SAMD12: variants seen among roughly 807,000 people sequenced by gnomAD.
SAMD12 encodes the protein sterile alpha motif domain containing 12, also known as sterile alpha motif domain-containing protein 12.
A neutral mutation model predicts 15.0 loss-of-function variants in SAMD12; 9 were observed. The ratio of observed to expected loss-of-function variants is 0.60; its 90% CI spans 0.36 to 1.05. SAMD12 has a LOEUF of 1.05. Among genes scored for constraint, SAMD12 ranks in the 50% least tolerant of loss-of-function variants. SAMD12 has a pLI of 0.01. For synonymous variants in SAMD12, 86 were observed against 90.1 expected (o/e 0.96, Z 0.25); for missense variants, 230 against 234.2 (o/e 0.98, Z 0.12).
At chr8:118,387,293 A>G (rs1423266201) in intron 3 of SAMD12, among the ~76,000 whole-genome samples, 1 of 152,218 alleles carries the variant, frequency 6.6e-6, no homozygotes, top group African/African-American at 2.4e-5. Context: ...TAGTTTACTC[A>G]TCTCTTCAAT....
chr8:118,449,297 G>A (rs1339876328), intron 2 of SAMD12, among the ~76,000 whole-genome samples: 1 of 151,726 alleles, frequency 6.6e-6, no homozygotes, highest in African/African-American at 2.4e-5. Flanking sequence ...TCGTGACCTC[G>A]TGATCCACCT....
At chr8:118,560,590 T>C (rs764333662) in intron 2 of SAMD12, among the ~76,000 whole-genome samples, 2 of 152,256 alleles carry the variant, frequency 1.3e-5, no homozygotes, top group East Asian at 3.9e-4. Context: ...CTAGTTCTCA[T>C]AGATAACAAA....
intron 1 of SAMD12, 43 bp downstream of exon 1, chr8:118,621,761 G>C: frequency 6.2e-7 from 1 of 1,610,450 alleles, no homozygotes; most frequent in Non-Finnish European, 8.5e-7. Context: ...CTTGGGGTGC[G>C]CGGGTTAAGA....
chr8:118,273,026 C>T (rs1035715130), intron 4 of SAMD12, among the ~76,000 whole-genome samples: 2 of 152,140 alleles, frequency 1.3e-5, no homozygotes, highest in Admixed American at 6.5e-5. Context: ...ATCCTTATAG[C>T]GGCACAACCT....
intron 4 of SAMD12, among the ~76,000 whole-genome samples, chr8:118,273,458 C>G (rs1813411449): frequency 6.6e-6 from 1 of 152,198 alleles, no homozygotes; most frequent in African/African-American, 2.4e-5. Context: ...TTGAAGATCT[C>G]TCATATGTCA....
chr8:118,362,028 T>A (rs1818524755), intron 4 of SAMD12, among the ~76,000 whole-genome samples: 2 of 151,612 alleles, frequency 1.3e-5, no homozygotes, highest in Non-Finnish European at 2.9e-5. Flanking sequence ...AATTGGTTCT[T>A]AATAAATTTC....
At chr8:118,238,210 C>T (rs916883517) in intron 4 of SAMD12, among the ~76,000 whole-genome samples, 2 of 152,016 alleles carry the variant, frequency 1.3e-5, no homozygotes, top group Non-Finnish European at 2.9e-5. Context: ...TACGTGAGAT[C>T]ATGCATCTGA....
intron 2 of SAMD12, among the ~76,000 whole-genome samples, chr8:118,553,263 G>A (rs897323810): frequency 3.4e-4 from 52 of 152,162 alleles, no homozygotes; most frequent in East Asian, 9.7e-4. Context: ...GAGGCATCAC[G>A]CTACCTGACT....
chr8:118,342,137 A>G (rs1817398872), intron 4 of SAMD12, among the ~76,000 whole-genome samples: 1 of 152,076 alleles, frequency 6.6e-6, no homozygotes, highest in Admixed American at 6.5e-5. Flanking sequence ...TAAAAATACA[A>G]AAAAATTAGC....
chr8:118,472,104 G>A lies in SAMD12; in HGVS notation c.193-32143C>T, dbSNP rs1437387308. Among the ~76,000 whole-genome samples, 4 of 151,996 alleles carry A rather than the reference G, an allele frequency of 2.6e-5. No individual in the cohort carries two copies. The East Asian group carries it at 5.8e-4, about 22-fold the overall frequency. On this transcript the variant is annotated intron_variant, in intron 2 of 3. Coordinates refer to ENST00000314727, the MANE Select transcript of SAMD12 (RefSeq NM_207506.3). ...AGATCGAGACCATCCTGGCTAACAC[G>A]GTGAAACCCTGTCTCCACTAAAAAT...
At chr8:118,433,084 T>A (rs1822462575) in intron 3 of SAMD12, among the ~76,000 whole-genome samples, 1 of 152,192 alleles carries the variant, frequency 6.6e-6, no homozygotes, top group African/African-American at 2.4e-5. Flanking sequence ...CAGCCTCCAT[T>A]CTTCCTATTC....
chr8:118,443,834 C>T (rs539436341), intron 2 of SAMD12, among the ~76,000 whole-genome samples: 1 of 152,284 alleles, frequency 6.6e-6, no homozygotes, highest in South Asian at 2.1e-4. Context: ...CAACAGCTAC[C>T]AAATGTTGGG....
chr8:118,305,100 G>T (rs560461719), intron 4 of SAMD12, among the ~76,000 whole-genome samples: 39 of 120,384 alleles, frequency 3.2e-4, no homozygotes, highest in Admixed American at 2.3e-3. Context: ...AGTGAGCCAA[G>T]ATCGCACCAC....
intron 4 of SAMD12, among the ~76,000 whole-genome samples, chr8:118,302,260 A>T (rs1166708883): frequency 6.6e-6 from 1 of 152,060 alleles, no homozygotes; most frequent in African/African-American, 2.4e-5. Flanking sequence ...TTAAGGTCGC[A>T]TCTTGTATTG....
rs755816679 is a variant in SAMD12 at position 118,439,881 on chromosome 8, C to T, written c.273G>A (p.Pro91=). The stretch of plus-strand genomic sequence containing the variant: ...ACTCACTGTAGATCTGATACTGATT[C>T]GGACAATGTTTCTTCAACCACTTGC... ...DVCKWLKKHC[P]NQYQIYSESF... The change falls in exon 3 of 4, where the codon CCG becomes CCA. Residue 91 remains proline, a synonymous_variant. Transcript: ENST00000314727. The T allele has an allele frequency of 3.3e-5, 53 of 1,613,388 alleles. No homozygotes were observed. Among genetic ancestry groups the T allele is most frequent in the East Asian group, 8.9e-5 (4 of 44,880 alleles).
At chr8:118,435,791 T>C (rs1404308505) in intron 3 of SAMD12, among the ~76,000 whole-genome samples, 1 of 152,194 alleles carries the variant, frequency 6.6e-6, no homozygotes, top group African/African-American at 2.4e-5. Context: ...GTCATACAAA[T>C]ATGGAAGTGA....
At chr8:118,473,147 T>C (rs1026301170) in intron 2 of SAMD12, among the ~76,000 whole-genome samples, 5 of 152,104 alleles carry the variant, frequency 3.3e-5, no homozygotes, top group African/African-American at 9.7e-5. Flanking sequence ...TGGCAGTGGC[T>C]CCTCCCTCCA....
chr8:118,603,120 C>A (rs1827899022), intron 1 of SAMD12, among the ~76,000 whole-genome samples: 1 of 151,786 alleles, frequency 6.6e-6, no homozygotes, highest in Non-Finnish European at 1.5e-5. Context: ...AAATAGCAAA[C>A]ATACACTTTA....
chr8:118,465,577 A>T (rs946837619), intron 2 of SAMD12, among the ~76,000 whole-genome samples: 8 of 152,186 alleles, frequency 5.3e-5, no homozygotes, highest in Non-Finnish European at 8.8e-5. Flanking sequence ...AAAGGGTAAG[A>T]CATAGATTTC....
Sources: gnomAD v4.1 joint callset for allele counts (sites outside exome capture counted in the v4.1 genomes callset) on GRCh38, gnomAD v4.1.1 for gene constraint, MANE v1.5 for transcripts, NCBI Gene and HGNC (gene_info 2026-07-23, HGNC 2026-07-21) for gene names.